PLCB1: variants seen among roughly 807,000 people sequenced by gnomAD.
The protein encoded by PLCB1 is 1-phosphatidylinositol 4,5-bisphosphate phosphodiesterase beta-1.
Under a neutral mutation model 161.8 loss-of-function variants are expected in PLCB1, and 46 were observed. The ratio of observed to expected loss-of-function variants is 0.28; its 90% CI spans 0.22 to 0.36. The LOEUF is 0.36. Among genes scored for constraint, PLCB1 ranks in the 10% least tolerant of loss-of-function variants. The pLI is 1.00. For synonymous variants in PLCB1, 517 were observed against 503.7 expected, an observed-to-expected ratio of 1.03 and a Z score of -0.35; for missense variants, 1,016 against 1,472.5, an observed-to-expected ratio of 0.69 and a Z score of 5.07.
chr20:8,514,519 CA>C (rs374512384), intron 3 of PLCB1, among the ~76,000 whole-genome samples: 12,928 of 143,678 alleles, frequency 0.09, 623 homozygotes, highest in Middle Eastern at 0.13. Context: ...CAGAAAAATA[CA>C]AAAAAAAATT....
chr20:8,383,565 T>A (rs1002124480), intron 3 of PLCB1, among the ~76,000 whole-genome samples: 2 of 152,210 alleles, frequency 1.3e-5, no homozygotes, highest in African/African-American at 4.8e-5. Context: ...GGGAATTTGA[T>A]CCTGTCATCA....
intron 2 of PLCB1, among the ~76,000 whole-genome samples, chr20:8,273,354 C>T (rs1018521436): frequency 2.0e-5 from 3 of 152,072 alleles, no homozygotes; most frequent in South Asian, 4.1e-4. Context: ...CTAAAGGTCT[C>T]GAAGTTGAAA....
chr20:8,196,152 T>C (rs2052021864), intron 2 of PLCB1, among the ~76,000 whole-genome samples: 1 of 152,112 alleles, frequency 6.6e-6, no homozygotes, highest in Admixed American at 6.6e-5. Context: ...CACATGGGGA[T>C]TATGACAACT....
chr20:8,144,273 G>T (rs1483720135), intron 1 of PLCB1, among the ~76,000 whole-genome samples: 1 of 152,104 alleles, frequency 6.6e-6, no homozygotes, highest in Non-Finnish European at 1.5e-5. Flanking sequence ...CTCATCTGAT[G>T]CCCCCACTAA....
chr20:8,759,293 A>G (rs1195334496), intron 24 of PLCB1, among the ~76,000 whole-genome samples: 1 of 152,148 alleles, frequency 6.6e-6, no homozygotes, highest in Non-Finnish European at 1.5e-5. Flanking sequence ...CTCATCACTG[A>G]TGATATGGGA....
At chr20:8,365,620 AT>A (rs1292361382) in intron 2 of PLCB1, among the ~76,000 whole-genome samples, 1 of 152,218 alleles carries the variant, frequency 6.6e-6, no homozygotes, top group African/African-American at 2.4e-5. Flanking sequence ...AATGAAAACT[AT>A]TTGTTAAAAT....
At chr20:8,646,971 A>G (rs746181421) in intron 5 of PLCB1, among the ~76,000 whole-genome samples, 1 of 152,204 alleles carries the variant, frequency 6.6e-6, no homozygotes. Flanking sequence ...TATGTAAGAC[A>G]TACCCATCAT....
chr20:8,461,793 A>C (rs992049679), intron 3 of PLCB1, among the ~76,000 whole-genome samples: 1 of 152,140 alleles, frequency 6.6e-6, no homozygotes, highest in African/African-American at 2.4e-5. Context: ...TTTTATGTGG[A>C]AGCAAACAAT....
At chr20:8,149,804 T>C (rs1350425014) in intron 1 of PLCB1, among the ~76,000 whole-genome samples, 1 of 152,140 alleles carries the variant, frequency 6.6e-6, no homozygotes, top group Non-Finnish European at 1.5e-5. Context: ...AACAAGTTTG[T>C]ATATATCTTT....
intron 3 of PLCB1, among the ~76,000 whole-genome samples, chr20:8,377,290 C>G (rs1042565074): frequency 2.6e-5 from 4 of 152,138 alleles, no homozygotes; most frequent in African/African-American, 9.7e-5. Context: ...GGAGAGCATT[C>G]CTCTTTGCCG....
At chr20:8,839,936 C>T (rs1474027662) in intron 31 of PLCB1, among the ~76,000 whole-genome samples, 1 of 151,274 alleles carries the variant, frequency 6.6e-6, no homozygotes, top group Non-Finnish European at 1.5e-5. Flanking sequence ...GAGGCTGAGG[C>T]AGGAGAATCG....
In PLCB1 at chr20:8,323,714, G is replaced by A. The variant is rs138036795; in HGVS notation, c.178-47668G>A. Among the ~76,000 whole-genome samples, 978 of 152,204 alleles carry A rather than the reference G, an allele frequency of 6.4e-3. 9 individuals carry two copies. Among genetic ancestry groups the A allele is most frequent in the African/African-American group, 0.022 (897 of 41,532 alleles). On this transcript the variant is annotated intron_variant, in intron 2 of 31. Transcript: ENST00000338037. ...AGCCTATATTCAAGGAAGGGGCATC[G>A]ATTTTACCTCTTGATGGAAGAATTG...
rs144659196 is a variant in PLCB1, at chr20:8,266,760, C to T, written c.178-104622C>T. ...CTGTTAAGAATGGGTACATCTGGGC[C>T]GGGTGCAGTGGCTCACGCCTGTAAT... On this transcript the variant is annotated intron_variant, in intron 2 of 31. Coordinates refer to ENST00000338037, the MANE Select transcript of PLCB1 (RefSeq NM_015192.4). Among the ~76,000 whole-genome samples the T allele has an allele frequency of 5.2e-3, 795 of 151,688 alleles. 4 individuals are homozygous for T. The highest frequency in any genetic ancestry group is 5.8e-3 in the Non-Finnish European group (391 of 67,874).
intron 2 of PLCB1, among the ~76,000 whole-genome samples, chr20:8,370,069 C>T (rs1163283102): frequency 1.3e-5 from 2 of 152,170 alleles, no homozygotes; most frequent in South Asian, 4.1e-4. Flanking sequence ...CTATTGGCAG[C>T]TGAATTAGGA....
chr20:8,166,163 G>C (rs901154849), intron 2 of PLCB1, among the ~76,000 whole-genome samples: 2 of 152,068 alleles, frequency 1.3e-5, no homozygotes, highest in African/African-American at 2.4e-5. Flanking sequence ...CTCATAGCAA[G>C]CTTCTTCAAA....
chr20:8,429,708 A>AAT (rs1478937680), intron 3 of PLCB1, among the ~76,000 whole-genome samples: 1 of 151,760 alleles, frequency 6.6e-6, no homozygotes, highest in Non-Finnish European at 1.5e-5. Context: ...TTTCTATTAG[A>AAT]AAGATATTTA....
chr20:8,388,260 AG>A (rs1444077910), intron 3 of PLCB1, among the ~76,000 whole-genome samples: 3 of 152,168 alleles, frequency 2.0e-5, no homozygotes, highest in East Asian at 3.9e-4. Context: ...CGTTTATTTA[AG>A]GGTTGTCAAA....
intron 31 of PLCB1, among the ~76,000 whole-genome samples, chr20:8,826,534 G>A (rs1985715524): frequency 6.6e-6 from 1 of 151,532 alleles, no homozygotes; most frequent in Non-Finnish European, 1.5e-5. Context: ...GGCCTCAGAT[G>A]GAGCCATGGA....
At chr20:8,716,910 T>C (rs897822528) in intron 13 of PLCB1, among the ~76,000 whole-genome samples, 21 of 152,290 alleles carry the variant, frequency 1.4e-4, no homozygotes, top group Non-Finnish European at 2.6e-4. Context: ...CATTTGTAAG[T>C]GAGTTTATAC....
Sources: gnomAD v4.1 joint callset for allele counts (sites outside exome capture counted in the v4.1 genomes callset) on GRCh38, gnomAD v4.1.1 for gene constraint, MANE v1.5 for transcripts, NCBI Gene and HGNC (gene_info 2026-07-23, HGNC 2026-07-21) for gene names.